SLC25A1: variants seen among roughly 807,000 people sequenced by gnomAD.
SLC25A1 encodes the protein tricarboxylate transport protein, mitochondrial.
In SLC25A1, 26 loss-of-function variants were observed where a neutral mutation model predicts 38.1. That is an observed-to-expected ratio of 0.68 (90% CI 0.50 to 0.95). The LOEUF is 0.95. Ranked by LOEUF, SLC25A1 falls within the 40% of genes least tolerant of loss-of-function variation. The probability of loss-of-function intolerance (pLI) is 0.00; values close to 1 mark genes in which losing one functional copy is unlikely to be tolerated. For missense variants in SLC25A1, 378 were observed against 426.6 expected, an observed-to-expected ratio of 0.89 and a Z score of 1.00; for synonymous variants, 211 against 183.2, an observed-to-expected ratio of 1.15 and a Z score of -1.23.
In SLC25A1 at chr22:19,176,864, G is replaced by A. The variant is rs2083969042; in HGVS notation, c.613C>T (p.Leu205=). ...GACACACCTCGGTACCAGTTGCGCA[G>A]GGAGGTCATGACGAAGAAGCGGATG... ...QAIRFFVMTS[L]RNWYRGDNPN... The change falls in exon 6 of 9, where the codon CTG becomes TTG. Residue 205 remains leucine, a synonymous_variant. Transcript: ENST00000215882. 2 of 1,613,876 alleles carry A rather than the reference G, an allele frequency of 1.2e-6. No individual in the cohort carries two copies. Among genetic ancestry groups the A allele is most frequent in the Non-Finnish European group, 8.5e-7 (1 of 1,179,994 alleles).
rs2084011290 is a variant in SLC25A1 at position 19,178,570 on chromosome 22, A to G, written c.94+10T>C. The G allele has an allele frequency of 2.4e-6, 3 of 1,235,838 alleles. No individual in the cohort carries two copies. Among genetic ancestry groups the G allele is most frequent in the Admixed American group, 4.3e-5 (1 of 23,044 alleles). 76.6% of individuals were successfully genotyped at this position (1,235,838 alleles called of 1,614,324 possible). A position where few individuals can be genotyped will look rare whatever the true frequency, so the allele number is the denominator to read the frequency against. On this transcript the variant is annotated intron_variant, in intron 1 of 8. Coordinates refer to ENST00000215882, the MANE Select transcript of SLC25A1 (RefSeq NM_005984.5). The surrounding 1 kb of genome is among the most constrained non-coding windows in gnomAD (Gnocchi z 4.9). The stretch of plus-strand genomic sequence containing the variant: ...GGCGGGAGAGGGGTCCGCGTCCCGG[A>G]GGGGCCCACCTGCCAGGATCGCCTT...
Position 19,177,984 on chromosome 22 carries a change from AGGCCGCGGTACAGGCCCAGGACGCCAT to A in SLC25A1, c.233_259del (p.His78_Gly86del), listed in dbSNP as rs782326647. 1 of 1,604,592 alleles carries A rather than the reference AGGCCGCGGTACAGGCCCAGGACGCCAT, an allele frequency of 6.2e-7. No homozygotes were observed. The highest frequency in any genetic ancestry group is 1.1e-5 in the South Asian group (1 of 89,748). The stretch of plus-strand genomic sequence containing the variant: ...GATGGAACCGTAGAGCAGGGAGCTA[AGGCCGCGGTACAGGCCCAGGACGCCAT>A]GGCTGCGAACCGTCTGCCGCACGCA... On this transcript the variant is annotated inframe_deletion, in exon 3 of 9. Transcript: ENST00000215882.
Position 19,176,921 on chromosome 22 carries a change from C to G in SLC25A1, c.556G>C (p.Ala186Pro). ...TTCGAGCCCTGCTTCAGGACAGTGGCTGTGAGGCCCTGGTACGTCCCCTTC... is the reference window on the plus strand; with the variant it reads ...TTCGAGCCCTGCTTCAGGACAGTGGGTGTGAGGCCCTGGTACGTCCCCTTC... ...GLKGTYQGLT[A>P]TVLKQGSNQA... Residue 186 changes from alanine to proline, a missense_variant, in exon 6 of 9, where the codon GCC becomes CCC. Coordinates refer to ENST00000215882, the MANE Select transcript of SLC25A1 (RefSeq NM_005984.5). The G allele has an allele frequency of 4.3e-6, 7 of 1,613,654 alleles. No homozygotes were observed. Among genetic ancestry groups the G allele is most frequent in the Non-Finnish European group, 5.9e-6 (7 of 1,180,016 alleles).
At chr22:19,176,524 A>T (rs1328413823) in intron 7 of SLC25A1, 30 bp from the exon 8 acceptor site, 5 of 1,613,012 alleles carry the variant, frequency 3.1e-6, no homozygotes, top group Non-Finnish European at 4.2e-6. Context: ...GCAGGGGCTC[A>T]GCAGCTAGCT....
chr22:19,178,185 CTTCA>C lies in SLC25A1; in HGVS notation c.146_149del (p.Val49GlyfsTer99). On this transcript the variant is annotated frameshift_variant, in exon 2 of 9. Transcript: ENST00000215882. LOFTEE classifies it high-confidence loss of function. This position sits in a 1 kb window ranked among gnomAD's most constrained non-coding sequence, Gnocchi z 4.9. ...AGCGCTCGTCCAGCTGCAGCTGCGT[CTTCA>C]CGTACTCGGTGGGGAAGGTGATGCA... 1 of 1,553,816 alleles carries C rather than the reference CTTCA, an allele frequency of 6.4e-7. No homozygotes were observed.
At chr22:19,176,535 C>T (rs2146142476) in intron 7 of SLC25A1, 41 bp from the exon 8 acceptor site, 1 of 1,612,582 alleles carries the variant, frequency 6.2e-7, no homozygotes, top group East Asian at 2.2e-5. Flanking sequence ...GCAGCTAGCT[C>T]TGGCCTGGTC....
rs782675586 is a variant in SLC25A1, at chr22:19,178,689, G to A, written c.-16C>T. 3.2e-3 allele frequency: 3,412 copies of A among 1,082,732 alleles called. 9 individuals carry two copies. Among genetic ancestry groups the A allele is most frequent in the Non-Finnish European group, 3.3e-3 (2,965 of 887,604 alleles). 67.1% of individuals were successfully genotyped at this position (1,082,732 alleles called of 1,614,324 possible). A position where few individuals can be genotyped will look rare whatever the true frequency, so the allele number is the denominator to read the frequency against. ...GCGCGGGCATGGCGGGCGGGAGGCG[G>A]GGCGCCCTGTGGCGGCTTCGGGTCC... On this transcript the variant is annotated 5_prime_UTR_variant, in exon 1 of 9. Coordinates refer to ENST00000215882, the MANE Select transcript of SLC25A1 (RefSeq NM_005984.5). The surrounding 1 kb of genome is among the most constrained non-coding windows in gnomAD (Gnocchi z 4.9).
At chr22:19,177,895 G>T in intron 3 of SLC25A1, 30 bp from the exon 4 acceptor site, 1 of 1,583,938 alleles carries the variant, frequency 6.3e-7, no homozygotes, top group Non-Finnish European at 8.6e-7. Flanking sequence ...GAGAGGGGCT[G>T]CCGCGGCCGA....
At chr22:19,177,668 G>C in intron 4 of SLC25A1, 59 bp downstream of exon 4, 4 of 1,594,106 alleles carry the variant, frequency 2.5e-6, no homozygotes, top group Non-Finnish European at 3.4e-6. Context: ...CCGGGCCAGC[G>C]GGGCCGCCCG....
rs1296943327 is a variant in SLC25A1, at chr22:19,175,973, G to C, written c.*157C>G. ...GGTGTCACACACAGACCACAGGGGG[G>C]ACACATGGATTTGACAGCCACAATG... On this transcript the variant is annotated 3_prime_UTR_variant, in exon 9 of 9. Transcript: ENST00000215882. 27 of 559,320 alleles carry C rather than the reference G, an allele frequency of 4.8e-5. No homozygotes were observed. The African/African-American group carries it at 5.9e-4, about 12-fold the overall frequency. 34.6% of individuals were successfully genotyped at this position (559,320 alleles called of 1,614,324 possible).
At chr22:19,176,548 C>G (rs1555922362) in intron 7 of SLC25A1, 30 bp downstream of exon 7, 1 of 1,611,842 alleles carries the variant, frequency 6.2e-7, no homozygotes, top group Non-Finnish European at 8.5e-7. Flanking sequence ...GCCTGGTCCC[C>G]CCTTCCCCTC....
At position 19,177,665 on chromosome 22, in the gene SLC25A1, A is replaced by G. The variant is rs575636822; in HGVS notation, c.441+62T>C. 1.3e-5 allele frequency: 21 copies of G among 1,592,714 alleles called. No individual in the cohort carries two copies. In the East Asian group the frequency reaches 4.2e-4, roughly 32 times the overall value. On this transcript the variant is annotated intron_variant, in intron 4 of 8. Coordinates refer to ENST00000215882, the MANE Select transcript of SLC25A1 (RefSeq NM_005984.5). ...CCGGTTGCCCCGGGAGCACCGGGCC[A>G]GCGGGGCCGCCCGTCTCCGTACTCC... is the stretch of plus-strand genomic sequence containing the variant.
chr22:19,176,120 C>A lies in SLC25A1; in HGVS notation c.*10G>T. 1 of 1,611,876 alleles carries A rather than the reference C, an allele frequency of 6.2e-7. No individual in the cohort carries two copies. Among genetic ancestry groups the A allele is most frequent in the Non-Finnish European group, 8.5e-7 (1 of 1,178,426 alleles). ...GTGCCTGGGGCGGTCCCCTTGCGGC[C>A]TCTCTAGGCTTAGTCCGTCTTCCAC... On this transcript the variant is annotated 3_prime_UTR_variant, in exon 9 of 9. Transcript: ENST00000215882.
intron 5 of SLC25A1, 23 bp downstream of exon 5, chr22:19,177,097 A>G (rs1555922599): frequency 6.2e-7 from 1 of 1,611,476 alleles, no homozygotes; most frequent in Admixed American, 1.7e-5. Flanking sequence ...CCTGAGCCCT[A>G]TCAGGAAGGT....
In SLC25A1 at chr22:19,178,442, C is replaced by A. The variant is rs1411844151; in HGVS notation, c.94+138G>T. The A allele has an allele frequency of 1.5e-6, 2 of 1,371,532 alleles. No individual in the cohort carries two copies. Among genetic ancestry groups the A allele is most frequent in the East Asian group, 3.0e-5 (1 of 33,584 alleles). 85.0% of individuals were successfully genotyped at this position (1,371,532 alleles called of 1,614,324 possible). A position where few individuals can be genotyped will look rare whatever the true frequency, so the allele number is the denominator to read the frequency against. ...CAGACGGGAGGCGGGCGAGTCCCAG[C>A]GCGCCGGGTGGGGACCAGGACCGCG... On this transcript the variant is annotated intron_variant, in intron 1 of 8. Transcript: ENST00000215882. This position sits in a 1 kb window ranked among gnomAD's most constrained non-coding sequence, Gnocchi z 4.9.
At position 19,175,742 on chromosome 22, in the gene SLC25A1, C is replaced by T. The variant is rs956677187; in HGVS notation, c.*388G>A. 4 of 226,462 alleles carry T rather than the reference C, an allele frequency of 1.8e-5. No individual in the cohort carries two copies. The highest frequency in any genetic ancestry group is 2.3e-5 in the African/African-American group (1 of 43,334). The allele number at this position is 226,462 out of a possible 1,614,324, so 14.0% of individuals were successfully genotyped here. A position where few individuals can be genotyped will look rare whatever the true frequency, so the allele number is the denominator to read the frequency against. Reference sequence around the variant, plus strand: ...AATGCGGTGAAGCCAGGCCGAGGCCCGGAGGCAGCTGTGGTAGGCCAGGGC... The same window carrying T: ...AATGCGGTGAAGCCAGGCCGAGGCCTGGAGGCAGCTGTGGTAGGCCAGGGC... On this transcript the variant is annotated 3_prime_UTR_variant, in exon 9 of 9. Transcript: ENST00000215882.
intron 8 of SLC25A1, 67 bp downstream of exon 8, chr22:19,176,354 T>G: frequency 1.3e-6 from 2 of 1,574,712 alleles, no homozygotes; most frequent in Non-Finnish European, 1.7e-6. Context: ...GGGGACAGAG[T>G]GGGCAGGCCA....
chr22:19,176,444 G>A lies in SLC25A1; in HGVS notation c.798C>T (p.Ile266=). 1 of 1,613,728 alleles carries A rather than the reference G, an allele frequency of 6.2e-7. No homozygotes were observed. Among genetic ancestry groups the A allele is most frequent in the Non-Finnish European group, 8.5e-7 (1 of 1,179,994 alleles). ...YRNTWDCGLQ[I]LKKEGLKAFY... ...ACGCCTTGAGCCCCTCCTTCTTCAGGATCTGCAAGCCGCAGTCCCACGTGT... is the reference window on the plus strand; with the variant it reads ...ACGCCTTGAGCCCCTCCTTCTTCAGAATCTGCAAGCCGCAGTCCCACGTGT... The change falls in exon 8 of 9, where the codon ATC becomes ATT. Residue 266 remains isoleucine (I), a synonymous_variant. Coordinates refer to ENST00000215882, the MANE Select transcript of SLC25A1 (RefSeq NM_005984.5).
Position 19,178,560 on chromosome 22 carries a change from C to A in SLC25A1, c.94+20G>T. Reference sequence around the variant, plus strand: ...CCAGAAGCGCGGCGGGAGAGGGGTCCGCGTCCCGGAGGGGCCCACCTGCCA... The same window carrying A: ...CCAGAAGCGCGGCGGGAGAGGGGTCAGCGTCCCGGAGGGGCCCACCTGCCA... On this transcript the variant is annotated intron_variant, in intron 1 of 8. Transcript: ENST00000215882. The surrounding 1 kb of genome is among the most constrained non-coding windows in gnomAD (Gnocchi z 4.9). 1 of 1,244,668 alleles carries A rather than the reference C, an allele frequency of 8.0e-7. No individual in the cohort carries two copies. The highest frequency in any genetic ancestry group is 3.3e-5 in the South Asian group (1 of 30,722). 77.1% of individuals were successfully genotyped at this position (1,244,668 alleles called of 1,614,324 possible). A position where few individuals can be genotyped will look rare whatever the true frequency, so the allele number is the denominator to read the frequency against.
Sources: gnomAD v4.1 joint callset for allele counts on GRCh38, gnomAD v4.1.1 for gene constraint, Gnocchi (gnomAD v3.1) non-coding constraint, MANE v1.5 for transcripts, NCBI Gene and HGNC (gene_info 2026-07-23, HGNC 2026-07-21) for gene names.